ETS1: variants seen among roughly 807,000 people sequenced by gnomAD.
The protein encoded by ETS1 is protein C-ets-1.
In ETS1, 15 loss-of-function variants were observed where a neutral mutation model predicts 58.6. The observed-to-expected ratio is 0.26, with a 90% CI of 0.17 to 0.39. The LOEUF (loss-of-function observed/expected upper bound fraction) is 0.39, where lower values mean the gene tolerates loss of function less well. ETS1 is among the 10% of genes least tolerant of loss of function. The pLI is 1.00. For missense variants in ETS1, 417 were observed against 610.5 expected (o/e 0.68, Z 3.34); for synonymous variants, 214 against 218.2 (o/e 0.98, Z 0.17).
At chr11:128,467,665 G>A (rs1461159118) in intron 8 of ETS1, among the ~76,000 whole-genome samples, 1 of 152,116 alleles carries the variant, frequency 6.6e-6, no homozygotes, top group East Asian at 1.9e-4. Context: ...ATGGGAAGGG[G>A]AGCTCACATG....
intron 1 of ETS1, among the ~76,000 whole-genome samples, chr11:128,583,379 T>C (rs948068019): frequency 3.3e-5 from 5 of 152,218 alleles, no homozygotes; most frequent in African/African-American, 4.8e-5. Context: ...TGCCAAGACT[T>C]CTTGCTTTTC....
intron 2 of ETS1, 142 bp downstream of exon 2, chr11:128,572,920 C>G (rs942368554): frequency 6.1e-5 from 37 of 609,126 alleles, no homozygotes; most frequent in Non-Finnish European, 5.0e-5. Flanking sequence ...AATTGACATC[C>G]TCCAAAAGAT....
chr11:128,504,251 G>C (rs184674489), intron 3 of ETS1, among the ~76,000 whole-genome samples: 1 of 152,278 alleles, frequency 6.6e-6, no homozygotes, highest in East Asian at 1.9e-4. Context: ...TATCTCTTTG[G>C]CTTTGGCCTT....
intron 3 of ETS1, among the ~76,000 whole-genome samples, chr11:128,513,009 G>C (rs1018921952): frequency 1.3e-5 from 2 of 152,236 alleles, no homozygotes; most frequent in Non-Finnish European, 2.9e-5. Flanking sequence ...TCATGGAAAA[G>C]GGAAGCTGAA....
chr11:128,473,773 A>G (rs551269644), intron 8 of ETS1, among the ~76,000 whole-genome samples: 1 of 152,246 alleles, frequency 6.6e-6, no homozygotes, highest in Middle Eastern at 3.4e-3. Flanking sequence ...GCAGCTGCTC[A>G]CTCTCTGCAG....
intron 3 of ETS1, among the ~76,000 whole-genome samples, chr11:128,539,536 T>C (rs1864023401): frequency 6.6e-6 from 1 of 152,196 alleles, no homozygotes; most frequent in Admixed American, 6.5e-5. Flanking sequence ...TGGAACCCTC[T>C]TACATTGCTA....
intron 1 of ETS1, among the ~76,000 whole-genome samples, chr11:128,585,002 G>A (rs12798821): frequency 0.13 from 2,018 of 15,152 alleles, 393 homozygotes; most frequent in African/African-American, 0.2. Context: ...AAGGAAGGAA[G>A]GAAAGAAAGG....
chr11:128,494,072 A>G (rs10893881), intron 3 of ETS1, among the ~76,000 whole-genome samples: 44,420 of 152,102 alleles, frequency 0.29, 6,917 homozygotes, highest in African/African-American at 0.39. Flanking sequence ...TCAGTGTCTG[A>G]AAGTTAATCA....
intron 2 of ETS1, among the ~76,000 whole-genome samples, chr11:128,564,723 C>T (rs1370585972): frequency 6.6e-6 from 1 of 152,034 alleles, no homozygotes; most frequent in Non-Finnish European, 1.5e-5. Context: ...TTTCAAGTTG[C>T]CCCTCGCTTA....
At chr11:128,573,196 AT>A in intron 1 of ETS1, 52 bp from the exon 2 acceptor site, 1 of 1,311,430 alleles carries the variant, frequency 7.6e-7, no homozygotes, top group Non-Finnish European at 1.1e-6. Context: ...AGGTTTGTGG[AT>A]TAGAATACAC....
At chr11:128,568,221 C>T (rs1864545298) in intron 2 of ETS1, among the ~76,000 whole-genome samples, 1 of 152,144 alleles carries the variant, frequency 6.6e-6, no homozygotes, top group South Asian at 2.1e-4. Flanking sequence ...CACTAGTCCC[C>T]CAGGAACTCC....
intron 3 of ETS1, among the ~76,000 whole-genome samples, chr11:128,508,746 A>G (rs1314309600): frequency 6.6e-6 from 1 of 152,250 alleles, no homozygotes; most frequent in Admixed American, 6.5e-5. Flanking sequence ...AATTTCATTT[A>G]GGCTCCTCTA....
At chr11:128,498,147 T>C (rs1320477768) in intron 3 of ETS1, among the ~76,000 whole-genome samples, 1 of 152,192 alleles carries the variant, frequency 6.6e-6, no homozygotes, top group Admixed American at 6.5e-5. Flanking sequence ...CTGTGAGGAT[T>C]AAGTGGACTA....
chr11:128,488,846 C>T (rs183148400), intron 5 of ETS1, among the ~76,000 whole-genome samples: 16 of 152,270 alleles, frequency 1.1e-4, no homozygotes, highest in East Asian at 3.9e-4. Flanking sequence ...CTTATTAATA[C>T]GGTCTCAGAC....
chr11:128,579,338 CT>C (rs2135591753), intron 1 of ETS1, among the ~76,000 whole-genome samples: 1 of 152,080 alleles, frequency 6.6e-6, no homozygotes, highest in East Asian at 1.9e-4. Context: ...AAAGCATGTC[CT>C]TTTGGCTTGG....
chr11:128,473,350 A>G (rs1299038501), intron 8 of ETS1, among the ~76,000 whole-genome samples: 1 of 152,254 alleles, frequency 6.6e-6, no homozygotes, highest in Non-Finnish European at 1.5e-5. Flanking sequence ...GGTGACAGCT[A>G]GCACTTAGAG....
At chr11:128,567,773 CA>C (rs1173178789) in intron 2 of ETS1, among the ~76,000 whole-genome samples, 1 of 152,152 alleles carries the variant, frequency 6.6e-6, no homozygotes, top group East Asian at 1.9e-4. Context: ...GCTGGAATTA[CA>C]GGCGTCCAAT....
At chr11:128,509,679 CA>C (rs1400205646) in intron 3 of ETS1, among the ~76,000 whole-genome samples, 1 of 150,826 alleles carries the variant, frequency 6.6e-6, no homozygotes, top group African/African-American at 2.4e-5. Context: ...ACACATCACA[CA>C]GAAGAATGTG....
intron 8 of ETS1, among the ~76,000 whole-genome samples, chr11:128,471,765 A>G (rs1180309654): frequency 6.6e-6 from 1 of 152,234 alleles, no homozygotes; most frequent in Non-Finnish European, 1.5e-5. Context: ...GTGTGTAGGT[A>G]ATGAGAAGAA....
Sources: gnomAD v4.1 joint callset for allele counts (sites outside exome capture counted in the v4.1 genomes callset) on GRCh38, gnomAD v4.1.1 for gene constraint, MANE v1.5 for transcripts, NCBI Gene and HGNC (gene_info 2026-07-23, HGNC 2026-07-21) for gene names.